NAA25: variants seen among roughly 807,000 people sequenced by gnomAD.
NAA25 encodes the protein N-alpha-acetyltransferase 25, NatB auxiliary subunit, also known as N-terminal acetyltransferase B complex subunit NAA25.
In NAA25, 30 loss-of-function variants were observed where a neutral mutation model predicts 132.5. The ratio of observed to expected loss-of-function variants is 0.23; its 90% CI spans 0.17 to 0.31. The LOEUF (loss-of-function observed/expected upper bound fraction) is 0.31. NAA25 is among the 10% of genes least tolerant of loss of function. NAA25 has a pLI of 1.00. For synonymous variants in NAA25, 359 were observed against 401.9 expected, an observed-to-expected ratio of 0.89 and a Z score of 1.28; for missense variants, 771 against 1,150.4, an observed-to-expected ratio of 0.67 and a Z score of 4.77.
rs898970791 is a variant in NAA25 at position 112,090,856 on chromosome 12, C to T, written c.153G>A (p.Lys51=). Residue 51 remains lysine, a synonymous_variant, in exon 3 of 24, where the codon AAG becomes AAA. Coordinates refer to ENST00000261745, the MANE Select transcript of NAA25 (RefSeq NM_024953.4). ...TTCCAGTTCTCTGTAAACCAATTGC[C>T]TTTAAAACCTGATAGCAACAAAAGA... ...HKDLHCAKVL[K]AIGLQRTGKQ... 3 of 1,596,914 alleles carry T rather than the reference C, an allele frequency of 1.9e-6. No individual in the cohort carries two copies. In the South Asian group the frequency reaches 3.4e-5, roughly 18 times the overall value.
chr12:112,095,794 A>C (rs1468153112), intron 1 of NAA25, among the ~76,000 whole-genome samples: 1 of 152,152 alleles, frequency 6.6e-6, no homozygotes, highest in Non-Finnish European at 1.5e-5. Flanking sequence ...AACTATACAG[A>C]TAGTAAAATC....
intron 23 of NAA25, among the ~76,000 whole-genome samples, chr12:112,030,408 T>A (rs972128340): frequency 6.6e-6 from 1 of 152,116 alleles, no homozygotes; most frequent in African/African-American, 2.4e-5. Flanking sequence ...ATTACTAATT[T>A]GTACATCATC....
chr12:112,034,913 GAACC>G (rs1367070626), intron 22 of NAA25: 8 of 151,182 alleles, frequency 5.3e-5, no homozygotes, highest in Admixed American at 3.3e-4. Flanking sequence ...TCAAAAATTA[GAACC>G]AACAATTCAT....
At chr12:112,053,821 T>TAAAAAAAAAAAAAAAAAAAAAAAAA in intron 14 of NAA25, among the ~76,000 whole-genome samples, 164 bp from the exon 15 acceptor site, 1 of 114,346 alleles carries the variant, frequency 8.7e-6, no homozygotes, top group Non-Finnish European at 1.8e-5. Flanking sequence ...AGTTAAAATT[T>TAAAAAAAAAAAAAAAAAAAAAAAAA]AAAAAAAAAA....
chr12:112,077,346 G>A (rs1020052356), intron 7 of NAA25, among the ~76,000 whole-genome samples: 6 of 151,784 alleles, frequency 4.0e-5, no homozygotes, highest in Non-Finnish European at 8.8e-5. Context: ...GGTGGTGTGT[G>A]CCTGTAGTCC....
chr12:112,078,196 T>C lies in NAA25; in HGVS notation c.656A>G (p.Lys219Arg), dbSNP rs1213846556. The C allele has an allele frequency of 1.3e-6, 2 of 1,592,428 alleles. No individual in the cohort carries two copies. The highest frequency in any genetic ancestry group is 3.6e-5 in the Admixed American group (2 of 55,510). The change falls in exon 7 of 24, where the codon AAA becomes AGA. Residue 219 changes from lysine (K) to arginine (R), a missense_variant. Lys to Arg is a conservative substitution (Grantham distance 26). Around this residue, in one of 3 missense-constraint regions of NAA25, gnomAD observed 417 missense variants for 733.8 expected, o/e 0.57. Transcript: ENST00000261745. ...YQEALDVIRGKLGEKLTSEIQ... is the reference protein window; with the variant it reads ...YQEALDVIRGRLGEKLTSEIQ... ...AAATGTTTAAAAATTACCTCCTAAT[T>C]TCCCTCTGATGACATCCAAGGCCTC... is the stretch of plus-strand genomic sequence containing the variant.
intron 11 of NAA25, chr12:112,065,778 T>C (rs1175199401): frequency 6.6e-6 from 1 of 152,218 alleles, no homozygotes; most frequent in Non-Finnish European, 1.5e-5. Context: ...TCAGGATAAC[T>C]GAACTCACTG....
At chr12:112,031,735 T>G (rs2078152862) in intron 23 of NAA25, among the ~76,000 whole-genome samples, 1 of 151,730 alleles carries the variant, frequency 6.6e-6, no homozygotes, top group Admixed American at 6.6e-5. Flanking sequence ...TACCATAAGC[T>G]CTGGCCCTGC....
chr12:112,082,221 C>T (rs920034249), intron 4 of NAA25, among the ~76,000 whole-genome samples: 1 of 152,008 alleles, frequency 6.6e-6, no homozygotes, highest in African/African-American at 2.4e-5. Context: ...GCACTCTAGC[C>T]TGGGCAACAG....
chr12:112,094,240 C>CAAAAAAAAAAA (rs199734463), intron 1 of NAA25, among the ~76,000 whole-genome samples: 1 of 69,294 alleles, frequency 1.4e-5, no homozygotes, highest in African/African-American at 5.0e-5. Flanking sequence ...GACTCTGTCT[C>CAAAAAAAAAAA]AAAAAAAAAA....
chr12:112,075,812 T>C, intron 7 of NAA25, 23 bp from the exon 8 acceptor site: 1 of 1,598,542 alleles, frequency 6.3e-7, no homozygotes. Flanking sequence ...GTTATAAAAG[T>C]TGGTAAGCTG....
At chr12:112,085,707 T>C (rs1224707816) in intron 4 of NAA25, among the ~76,000 whole-genome samples, 19 of 152,090 alleles carry the variant, frequency 1.2e-4, no homozygotes, top group East Asian at 5.8e-4. Flanking sequence ...TATGTTAGCA[T>C]TGCCAATTTT....
chr12:112,046,235 G>A (rs2078379249), intron 17 of NAA25, among the ~76,000 whole-genome samples: 1 of 152,176 alleles, frequency 6.6e-6, no homozygotes, highest in Non-Finnish European at 1.5e-5. Flanking sequence ...GTCTCTACTG[G>A]GTTTCCCTGA....
chr12:112,087,651 C>G (rs1218406622), intron 4 of NAA25, 32 bp downstream of exon 4: 1 of 1,474,002 alleles, frequency 6.8e-7, no homozygotes, highest in South Asian at 1.1e-5. Context: ...ATAGTAAATC[C>G]CATAGCCCAG....
chr12:112,049,422 A>C lies in NAA25; in HGVS notation c.1729-979T>G, dbSNP rs536454159. The C allele has an allele frequency of 2.0e-6, 2 of 981,146 alleles. No homozygotes were observed. Among genetic ancestry groups the C allele is most frequent in the South Asian group, 9.4e-5 (2 of 21,194 alleles). The allele number at this position is 981,146 out of a possible 1,614,324, so 60.8% of individuals were successfully genotyped here. A position where few individuals can be genotyped will look rare whatever the true frequency, so the allele number is the denominator to read the frequency against. Reference sequence around the variant, plus strand: ...GCCTCAGTTAATCAGCTCTGCCCCCATCTCCATTACGTCTGAATAATTTGC... The same window carrying C: ...GCCTCAGTTAATCAGCTCTGCCCCCCTCTCCATTACGTCTGAATAATTTGC... On this transcript the variant is annotated intron_variant, in intron 15 of 23. Transcript: ENST00000261745. This position sits in a 1 kb window ranked among gnomAD's most constrained non-coding sequence, Gnocchi z 4.7.
chr12:112,042,600 T>C (rs2078317266), intron 19 of NAA25, among the ~76,000 whole-genome samples: 1 of 151,956 alleles, frequency 6.6e-6, no homozygotes, highest in Admixed American at 6.6e-5. Context: ...TCTGCTTCCC[T>C]GGTTCAAGCG....
chr12:112,040,415 T>C (rs2078285218), intron 21 of NAA25, 66 bp downstream of exon 21: 2 of 986,488 alleles, frequency 2.0e-6, no homozygotes, highest in East Asian at 2.5e-5. Flanking sequence ...CTGTTCACTG[T>C]TGAAAAATGA....
At chr12:112,038,309 C>T (rs139026920) in intron 22 of NAA25, among the ~76,000 whole-genome samples, 39 of 152,170 alleles carry the variant, frequency 2.6e-4, no homozygotes, top group Admixed American at 2.3e-3. Context: ...CCACCACATC[C>T]GGCCTGAATA....
intron 1 of NAA25, among the ~76,000 whole-genome samples, chr12:112,105,878 C>G (rs2136952233): frequency 6.6e-6 from 1 of 152,346 alleles, no homozygotes; most frequent in South Asian, 2.1e-4. Flanking sequence ...CCTAATAGGG[C>G]AGTCAGCCCA....
Sources: allele counts gnomAD v4.1 joint callset (sites outside exome capture counted in the v4.1 genomes callset), GRCh38; gene constraint gnomAD v4.1.1; regional missense constraint gnomAD v4.1.1; non-coding constraint Gnocchi (gnomAD v3.1); transcripts MANE v1.5; gene names NCBI Gene and HGNC (gene_info 2026-07-23, HGNC 2026-07-21).